DLGAP2: variants seen among roughly 807,000 people sequenced by gnomAD.
DLGAP2 encodes DLG associated protein 2.
DLGAP2 carries 26 observed loss-of-function variants against 100.3 expected under a neutral mutation model. The observed-to-expected ratio is 0.26, with a 90% CI of 0.19 to 0.36. DLGAP2 has a LOEUF of 0.36. DLGAP2 is among the 10% of genes least tolerant of loss of function. The pLI is 1.00. For missense variants in DLGAP2, 1,858 were observed against 1,453.2 expected, an observed-to-expected ratio of 1.28 and a Z score of -4.53; for synonymous variants, 886 against 630.1, an observed-to-expected ratio of 1.41 and a Z score of -6.08.
At chr8:773,504 C>A (rs540204786) in intron 1 of DLGAP2, among the ~76,000 whole-genome samples, 13 of 146,140 alleles carry the variant, frequency 8.9e-5, no homozygotes, top group South Asian at 2.4e-4. Flanking sequence ...CCCCTCCCCC[C>A]ACTCCACAAC....
intron 12 of DLGAP2, among the ~76,000 whole-genome samples, chr8:1,685,694 A>G (rs1470812117): frequency 1.3e-5 from 2 of 152,122 alleles, no homozygotes; most frequent in African/African-American, 4.8e-5. Context: ...CCATCTGACA[A>G]GGGACTAAGA....
chr8:1,587,925 C>G (rs1199468069), intron 6 of DLGAP2, among the ~76,000 whole-genome samples: 1 of 152,180 alleles, frequency 6.6e-6, no homozygotes, highest in Non-Finnish European at 1.5e-5. Context: ...AATGCATTTA[C>G]TAGCTCTTCA....
rs190088500 is a variant in DLGAP2 at position 1,176,579 on chromosome 8, C to T, written c.74-82272C>T. Among the ~76,000 whole-genome samples the T allele has an allele frequency of 8.9e-3, 1,107 of 124,918 alleles. 7 individuals are homozygous for T. Among genetic ancestry groups the T allele is most frequent in the Non-Finnish European group, 0.015 (867 of 58,690 alleles). 82.0% of individuals were successfully genotyped at this position (124,918 alleles called of 152,430 possible). A position where few individuals can be genotyped will look rare whatever the true frequency, so the allele number is the denominator to read the frequency against. On this transcript the variant is annotated intron_variant, in intron 2 of 14. Transcript: ENST00000637795. ...TGACGTTGTTCATGCTCAGGTCCCACCCATCTCAATCCAGTGCACGACAGG... is the reference window on the plus strand; with the variant it reads ...TGACGTTGTTCATGCTCAGGTCCCATCCATCTCAATCCAGTGCACGACAGG...
At chr8:1,321,847 T>C (rs1426518743) in intron 3 of DLGAP2, among the ~76,000 whole-genome samples, 2 of 152,186 alleles carry the variant, frequency 1.3e-5, no homozygotes, top group Non-Finnish European at 2.9e-5. Flanking sequence ...AAACAAGGGT[T>C]CCTTTCTTTG....
rs142711535 is a variant in DLGAP2 at position 866,306 on chromosome 8, T to C, written c.19-41606T>C. On this transcript the variant is annotated intron_variant, in intron 1 of 14. Coordinates refer to ENST00000637795, the MANE Select transcript of DLGAP2 (RefSeq NM_001346810.2). ...AAGGGGCCCTGATTCCCCCTTCCAG[T>C]GTCTTGTCCAGGAAACGTGCGTGGG... 3.6e-3 allele frequency among the ~76,000 whole-genome samples: 554 copies of C among 152,220 alleles called. 2 individuals are homozygous for C. The highest frequency in any genetic ancestry group is 0.013 in the African/African-American group (528 of 41,550).
In DLGAP2 at chr8:1,060,782, C is replaced by T. The variant is rs567120832; in HGVS notation, c.73+152816C>T. Among the ~76,000 whole-genome samples the T allele has an allele frequency of 3.0e-4, 46 of 152,254 alleles. No individual in the cohort carries two copies. The East Asian group carries it at 3.3e-3, about 11-fold the overall frequency. ...TGCCTTTTCCTCAGAGAGGGGCCTGCGGGTTCCACATGCTGACCTCCCTGT... is the reference window on the plus strand; with the variant it reads ...TGCCTTTTCCTCAGAGAGGGGCCTGTGGGTTCCACATGCTGACCTCCCTGT... On this transcript the variant is annotated intron_variant, in intron 2 of 14. Coordinates refer to ENST00000637795, the MANE Select transcript of DLGAP2 (RefSeq NM_001346810.2).
In DLGAP2 at chr8:1,234,795, T is replaced by G. The variant is rs576176339; in HGVS notation, c.74-24056T>G. Among the ~76,000 whole-genome samples, 3 of 152,298 alleles carry G rather than the reference T, an allele frequency of 2.0e-5. No homozygotes were observed. In the South Asian group the frequency reaches 6.2e-4, roughly 32 times the overall value. The stretch of plus-strand genomic sequence containing the variant: ...CTCTGCCTTGCGCAACTGGGGCCTT[T>G]CATGTGCCCTCAAGTGAGTGAGTTC... On this transcript the variant is annotated intron_variant, in intron 2 of 14. Coordinates refer to ENST00000637795, the MANE Select transcript of DLGAP2 (RefSeq NM_001346810.2).
At chr8:1,540,711 C>A (rs914103956) in intron 4 of DLGAP2, among the ~76,000 whole-genome samples, 3 of 152,194 alleles carry the variant, frequency 2.0e-5, no homozygotes, top group Non-Finnish European at 4.4e-5. Context: ...CGGACAGAGC[C>A]CAGCGTGGGC....
chr8:935,352 C>T (rs1295842583), intron 2 of DLGAP2, among the ~76,000 whole-genome samples: 1 of 152,174 alleles, frequency 6.6e-6, no homozygotes, highest in Non-Finnish European at 1.5e-5. Context: ...GCTCCTCAGT[C>T]CAGAGGGTCT....
chr8:1,225,121 G>C (rs1399034009), intron 2 of DLGAP2, among the ~76,000 whole-genome samples: 5 of 152,220 alleles, frequency 3.3e-5, no homozygotes, highest in African/African-American at 1.2e-4. Flanking sequence ...GCCCAAACCA[G>C]TGCGGGAGCG....
At chr8:1,153,292 T>A (rs968432117) in intron 2 of DLGAP2, among the ~76,000 whole-genome samples, 4 of 152,152 alleles carry the variant, frequency 2.6e-5, no homozygotes, top group Admixed American at 6.5e-5. Flanking sequence ...AGGAAAAAAA[T>A]CAGCTTTTGG....
At chr8:1,510,669 CAG>C (rs1204030918) in intron 4 of DLGAP2, among the ~76,000 whole-genome samples, 2 of 152,188 alleles carry the variant, frequency 1.3e-5, no homozygotes, top group Non-Finnish European at 2.9e-5. Flanking sequence ...AACTGAGGCA[CAG>C]AGAGAGTGGT....
chr8:1,613,891 C>G (rs527544320), intron 6 of DLGAP2, among the ~76,000 whole-genome samples: 2 of 152,270 alleles, frequency 1.3e-5, no homozygotes, highest in East Asian at 3.9e-4. Flanking sequence ...AAATAAGCCT[C>G]AAAAATGTTG....
intron 2 of DLGAP2, among the ~76,000 whole-genome samples, chr8:1,149,679 A>C (rs893610335): frequency 6.6e-6 from 1 of 152,176 alleles, no homozygotes; most frequent in African/African-American, 2.4e-5. Flanking sequence ...GACATCCAGG[A>C]ATTTCATCTG....
intron 2 of DLGAP2, among the ~76,000 whole-genome samples, chr8:962,636 G>T (rs1799753460): frequency 6.6e-6 from 1 of 152,016 alleles, no homozygotes; most frequent in African/African-American, 2.4e-5. Flanking sequence ...AACCAACCCT[G>T]TGACAAAATG....
chr8:855,800 T>C (rs927736299), intron 1 of DLGAP2, among the ~76,000 whole-genome samples: 1 of 152,106 alleles, frequency 6.6e-6, no homozygotes, highest in African/African-American at 2.4e-5. Context: ...AGAAGAGAAG[T>C]CCTGTGGTCA....
chr8:1,055,688 G>T lies in DLGAP2; in HGVS notation c.73+147722G>T, dbSNP rs1021886973. ...CACCGTCTTCCAGCTCCTCCACAAA[G>T]CAGGTTCCAGAGCTGCATCCCCTGC... On this transcript the variant is annotated intron_variant, in intron 2 of 14. Coordinates refer to ENST00000637795, the MANE Select transcript of DLGAP2 (RefSeq NM_001346810.2). 5.9e-5 allele frequency among the ~76,000 whole-genome samples: 9 copies of T among 152,268 alleles called. No homozygotes were observed. In the East Asian group the frequency reaches 1.5e-3, roughly 26 times the overall value.
intron 2 of DLGAP2, among the ~76,000 whole-genome samples, chr8:917,176 C>T (rs1798611401): frequency 6.6e-6 from 1 of 152,068 alleles, no homozygotes; most frequent in Non-Finnish European, 1.5e-5. Flanking sequence ...ATTTTACCCA[C>T]TAAGGTTTGG....
At chr8:1,022,304 C>G (rs1311321494) in intron 2 of DLGAP2, among the ~76,000 whole-genome samples, 1 of 149,036 alleles carries the variant, frequency 6.7e-6, no homozygotes, top group African/African-American at 2.5e-5. Context: ...ATGCTCCAAA[C>G]AGCACCCACC....
Sources: allele counts gnomAD v4.1 joint callset (sites outside exome capture counted in the v4.1 genomes callset), GRCh38; gene constraint gnomAD v4.1.1; transcripts MANE v1.5; gene names NCBI Gene and HGNC (gene_info 2026-07-23, HGNC 2026-07-21).